The following MTR variants were observed in gnomAD, a reference collection of about 807,000 sequenced individuals.
The protein encoded by MTR is methionine synthase.
A neutral mutation model predicts 154.8 loss-of-function variants in MTR; 84 were observed. The ratio of observed to expected loss-of-function variants is 0.54; its 90% CI spans 0.45 to 0.65. The LOEUF (loss-of-function observed/expected upper bound fraction) is 0.65. MTR is among the 30% of genes least tolerant of loss of function. MTR has a pLI of 0.00. For missense variants in MTR, 1,275 were observed against 1,570.2 expected, an observed-to-expected ratio of 0.81 and a Z score of 3.18; for synonymous variants, 554 against 553.9, an observed-to-expected ratio of 1.00 and a Z score of 0.00.
Position 236,897,928 on chromosome 1 carries a change from G to A in MTR, c.*284G>A. The A allele has an allele frequency of 2.6e-6, 1 of 389,250 alleles. No homozygotes were observed. The highest frequency in any genetic ancestry group is 3.5e-5 in the South Asian group (1 of 28,360). 24.1% of individuals were successfully genotyped at this position (389,250 alleles called of 1,614,324 possible). A position where few individuals can be genotyped will look rare whatever the true frequency, so the allele number is the denominator to read the frequency against. ...AGATGGGGACAGACTGAAGACAGAGGTCGTTTGATTTCAAAGCAAGTCAAC... is the reference window on the plus strand; with the variant it reads ...AGATGGGGACAGACTGAAGACAGAGATCGTTTGATTTCAAAGCAAGTCAAC... On this transcript the variant is annotated 3_prime_UTR_variant, in exon 33 of 33. Coordinates refer to ENST00000366577, the MANE Select transcript of MTR (RefSeq NM_000254.3).
intron 22 of MTR, 83 bp from the exon 23 acceptor site, chr1:236,873,690 A>G: frequency 8.8e-7 from 1 of 1,136,354 alleles, no homozygotes; most frequent in South Asian, 1.2e-5. Context: ...GCAGTATTTA[A>G]TGGTTGAAAT....
At chr1:236,842,040 C>G (rs570139580) in intron 15 of MTR, among the ~76,000 whole-genome samples, 1 of 152,106 alleles carries the variant, frequency 6.6e-6, no homozygotes, top group Non-Finnish European at 1.5e-5. Context: ...TACAGGCACC[C>G]GCCACCTTAC....
chr1:236,889,177 G>A lies in MTR; in HGVS notation c.2852-4G>A. 6.2e-7 allele frequency: 1 copy of A among 1,614,160 alleles called. No homozygotes were observed. Among genetic ancestry groups the A allele is most frequent in the Non-Finnish European group, 8.5e-7 (1 of 1,180,040 alleles). ...GCATTGACAACCATACTTCTCTCCT[G>A]TAGTGAAGCCCACGTTTATTGGGAC... is the stretch of plus-strand genomic sequence containing the variant. On this transcript the variant is annotated splice_polypyrimidine_tract_variant and splice_region_variant and intron_variant, in intron 27 of 32. Transcript: ENST00000366577.
intron 12 of MTR, among the ~76,000 whole-genome samples, chr1:236,830,850 G>C (rs1389570802): frequency 6.6e-6 from 1 of 152,144 alleles, no homozygotes; most frequent in African/African-American, 2.4e-5. Flanking sequence ...AGTGCACCAA[G>C]GGGCCTGGAA....
At position 236,803,366 on chromosome 1, in the gene MTR, C is replaced by T; in HGVS notation, c.35-62C>T. ...GATTATTATAAATTTCTCTAAAGCT[C>T]CTCCCTCACACATCTTTTTCACCTT... On this transcript the variant is annotated intron_variant, in intron 1 of 32. Transcript: ENST00000366577. 3.4e-6 allele frequency: 5 copies of T among 1,479,400 alleles called. No individual in the cohort carries two copies. The South Asian group carries it at 3.4e-5, about 10-fold the overall frequency. The allele number at this position is 1,479,400 out of a possible 1,614,324, so 91.6% of individuals were successfully genotyped here.
At chr1:236,824,997 C>T (rs1662194551) in intron 9 of MTR, among the ~76,000 whole-genome samples, 1 of 152,106 alleles carries the variant, frequency 6.6e-6, no homozygotes, top group Non-Finnish European at 1.5e-5. Context: ...ATTCCTTCCA[C>T]CCCCACCCCC....
At chr1:236,853,417 A>T (rs1664032361) in intron 18 of MTR, among the ~76,000 whole-genome samples, 1 of 152,232 alleles carries the variant, frequency 6.6e-6, no homozygotes, top group South Asian at 2.1e-4. Context: ...AATAAAAATC[A>T]CTTGTAATCC....
intron 15 of MTR, among the ~76,000 whole-genome samples, chr1:236,846,059 AAC>A (rs1663552125): frequency 6.6e-6 from 1 of 152,246 alleles, no homozygotes; most frequent in African/African-American, 2.4e-5. Context: ...CCATGTTGCA[AAC>A]ACAACTGCAA....
At chr1:236,895,583 C>T in intron 31 of MTR, 33 bp downstream of exon 31, 6 of 1,550,256 alleles carry the variant, frequency 3.9e-6, no homozygotes, top group East Asian at 2.4e-5. Context: ...TTCCTGTCTT[C>T]CTTCTTCAGT....
intron 30 of MTR, 98 bp downstream of exon 30, chr1:236,894,655 T>G (rs956473551): frequency 5.9e-6 from 7 of 1,180,136 alleles, no homozygotes; most frequent in African/African-American, 4.7e-5. Context: ...TTAGAACCAG[T>G]GTCTTTTTTT....
intron 14 of MTR, 128 bp downstream of exon 14, chr1:236,835,815 G>A: frequency 1.6e-6 from 2 of 1,288,874 alleles, no homozygotes; most frequent in Non-Finnish European, 2.2e-6. Flanking sequence ...ATCGAAAACA[G>A]GGTAGTTTCT....
At chr1:236,812,974 TTGAG>T in intron 6 of MTR, 130 bp downstream of exon 6, 1 of 774,494 alleles carries the variant, frequency 1.3e-6, no homozygotes. Context: ...CATTTTATTC[TTGAG>T]TATTTTTAAC....
rs116839530 is a variant in MTR, at chr1:236,795,509, G to A, written c.-195G>A. ...CAGCAGTTGCCGCGCCCAGCCCCGAGAGAGGCCCTAGGGCGCTGCGGGCTT... is the reference window on the plus strand; with the variant it reads ...CAGCAGTTGCCGCGCCCAGCCCCGAAAGAGGCCCTAGGGCGCTGCGGGCTT... On this transcript the variant is annotated 5_prime_UTR_variant, in exon 1 of 33. Coordinates refer to ENST00000366577, the MANE Select transcript of MTR (RefSeq NM_000254.3). The A allele has an allele frequency of 2.1e-4, 327 of 1,524,424 alleles. 1 individual carries two copies. The African/African-American group carries it at 3.9e-3, about 18-fold the overall frequency. 94.4% of individuals were successfully genotyped at this position (1,524,424 alleles called of 1,614,324 possible).
Position 236,838,448 on chromosome 1 carries a change from T to C in MTR, c.1364T>C (p.Val455Ala). 6.2e-7 allele frequency: 1 copy of C among 1,614,110 alleles called. No individual in the cohort carries two copies. Among genetic ancestry groups the C allele is most frequent in the Non-Finnish European group, 8.5e-7 (1 of 1,180,006 alleles). ...PLCIDSSNFA[V>A]IEAGLKCCQG... Reference sequence around the variant, plus strand: ...TGCATCGACTCCTCCAATTTTGCTGTGATTGAAGCTGGGTTAAAGTGCTGC... The same window carrying C: ...TGCATCGACTCCTCCAATTTTGCTGCGATTGAAGCTGGGTTAAAGTGCTGC... Residue 455 changes from valine to alanine, a missense_variant, in exon 15 of 33, where the codon GTG (valine) becomes GCG (alanine). Coordinates refer to ENST00000366577, the MANE Select transcript of MTR (RefSeq NM_000254.3).
chr1:236,895,646 G>A, intron 31 of MTR, 96 bp downstream of exon 31: 1 of 1,307,818 alleles, frequency 7.6e-7, no homozygotes, highest in Non-Finnish European at 1.1e-6. Context: ...TTTTAAAATG[G>A]AAGGGCTTCT....
At chr1:236,813,098 A>C (rs1322337660) in intron 6 of MTR, among the ~76,000 whole-genome samples, 1 of 152,222 alleles carries the variant, frequency 6.6e-6, no homozygotes, top group Non-Finnish European at 1.5e-5. Context: ...ATAAATGCAT[A>C]TATCCTGAGG....
chr1:236,830,153 A>G (rs1407721244), intron 12 of MTR, among the ~76,000 whole-genome samples: 1 of 152,214 alleles, frequency 6.6e-6, no homozygotes, highest in East Asian at 1.9e-4. Flanking sequence ...AGTTGGGTTA[A>G]CACATACGAA....
intron 3 of MTR, among the ~76,000 whole-genome samples, chr1:236,808,416 G>GT (rs1661108471): frequency 6.6e-6 from 1 of 151,990 alleles, no homozygotes; most frequent in Non-Finnish European, 1.5e-5. Context: ...ATTTAACTAC[G>GT]TAAGTTATTC....
chr1:236,882,613 G>A (rs1007022842), intron 25 of MTR, among the ~76,000 whole-genome samples: 1 of 152,174 alleles, frequency 6.6e-6, no homozygotes, highest in African/African-American at 2.4e-5. Flanking sequence ...GGCTGGTCTT[G>A]AACTCCTGAC....
Sources: gnomAD v4.1 joint callset for allele counts (sites outside exome capture counted in the v4.1 genomes callset) on GRCh38, gnomAD v4.1.1 for gene constraint, MANE v1.5 for transcripts, NCBI Gene and HGNC (gene_info 2026-07-23, HGNC 2026-07-21) for gene names.